The following BLK variants were observed in gnomAD, a reference collection of about 807,000 sequenced individuals.
BLK encodes the protein BLK proto-oncogene, Src family tyrosine kinase.
A neutral mutation model predicts 61.8 loss-of-function variants in BLK; 64 were observed. That is an observed-to-expected ratio of 1.03 (90% CI 0.85 to 1.27). The LOEUF (loss-of-function observed/expected upper bound fraction) is 1.27. Among genes scored for constraint, BLK ranks in the 50% most tolerant of loss-of-function variants. The pLI is 0.00. For missense variants in BLK, 853 were observed against 660.5 expected (o/e 1.29, Z -3.19); for synonymous variants, 351 against 272.0 (o/e 1.29, Z -2.86).
chr8:11,556,637 T>C, intron 8 of BLK, 21 bp from the exon 9 acceptor site: 2 of 1,614,086 alleles, frequency 1.2e-6, no homozygotes, highest in Non-Finnish European at 1.7e-6. Context: ...CTGATTGGCT[T>C]CTTCACTCCC....
chr8:11,562,595 C>G (rs35401006), intron 11 of BLK, among the ~76,000 whole-genome samples: 64,780 of 152,080 alleles, frequency 0.43, 14,789 homozygotes, highest in East Asian at 0.92. Flanking sequence ...CGGAGGCGCC[C>G]GCAGGTTTAA....
chr8:11,548,117 C>T lies in BLK; in HGVS notation c.261C>T (p.Val87=), dbSNP rs1263152728. The T allele has an allele frequency of 1.9e-6, 3 of 1,612,948 alleles. No homozygotes were observed. Among genetic ancestry groups the T allele is most frequent in the Non-Finnish European group, 2.5e-6 (3 of 1,179,838 alleles). ...LQMLKGEKLQ[V]LKGTGDWWLA... ...TGCTGAAGGGGGAGAAGCTACAGGT[C>T]CTGAAGGGGTGAGGTTCCAGGACAC... is the stretch of plus-strand genomic sequence containing the variant. The change falls in exon 4 of 13, where the codon GTC becomes GTT. Residue 87 remains valine (V), a synonymous_variant. Coordinates refer to ENST00000259089, the MANE Select transcript of BLK (RefSeq NM_001715.3).
chr8:11,561,115 G>T, intron 10 of BLK, 187 bp from the exon 11 acceptor site: 1 of 827,268 alleles, frequency 1.2e-6, no homozygotes, highest in Non-Finnish European at 2.0e-6. Context: ...ACGTTGCTGC[G>T]TTGCTGTTCT....
At chr8:11,499,609 G>A (rs1206283665) in intron 1 of BLK, among the ~76,000 whole-genome samples, 2 of 152,174 alleles carry the variant, frequency 1.3e-5, no homozygotes, top group East Asian at 3.9e-4. Flanking sequence ...ATGACGTTAA[G>A]CTGTTCGCAT....
rs745739209 is a variant in BLK at position 11,549,143 on chromosome 8, C to T, written c.368+21C>T. 23 of 1,571,488 alleles carry T rather than the reference C, an allele frequency of 1.5e-5. No individual in the cohort carries two copies. The East Asian group carries it at 3.4e-4, about 24-fold the overall frequency. On this transcript the variant is annotated intron_variant, in intron 5 of 12. Coordinates refer to ENST00000259089, the MANE Select transcript of BLK (RefSeq NM_001715.3). ...GAAAGGTAGGTGGGCACGGGAACCC[C>T]CCTCGAGCCAAGATGCAGTCACTGT... is the stretch of plus-strand genomic sequence containing the variant.
intron 10 of BLK, among the ~76,000 whole-genome samples, chr8:11,559,499 ACT>A (rs1801387221): frequency 8.0e-6 from 1 of 124,234 alleles, no homozygotes; most frequent in Non-Finnish European, 1.9e-5. Flanking sequence ...ATTTACACAA[ACT>A]CACAAACTCA....
Position 11,556,652 on chromosome 8 carries a change from G to A in BLK, c.773-6G>A. 1 of 1,614,092 alleles carries A rather than the reference G, an allele frequency of 6.2e-7. No individual in the cohort carries two copies. On this transcript the variant is annotated splice_polypyrimidine_tract_variant and splice_region_variant and intron_variant, in intron 8 of 12. Coordinates refer to ENST00000259089, the MANE Select transcript of BLK (RefSeq NM_001715.3). ...CTGATTGGCTTCTTCACTCCCCCGGGCTCAGGTTACTACAAAAACAACATG... is the reference window on the plus strand; with the variant it reads ...CTGATTGGCTTCTTCACTCCCCCGGACTCAGGTTACTACAAAAACAACATG...
intron 7 of BLK, 24 bp from the exon 8 acceptor site, chr8:11,555,308 C>T (rs369356288): frequency 1.2e-6 from 2 of 1,613,824 alleles, no homozygotes; most frequent in Non-Finnish European, 1.7e-6. Context: ...AACCCCCAGC[C>T]CTGTCTTTTC....
chr8:11,511,792 G>A (rs1051181579), intron 1 of BLK, among the ~76,000 whole-genome samples: 1 of 152,134 alleles, frequency 6.6e-6, no homozygotes, highest in Admixed American at 6.5e-5. Flanking sequence ...AGATCAATGT[G>A]CCCTCTTGAC....
chr8:11,519,606 AC>A (rs1420795019), intron 1 of BLK, among the ~76,000 whole-genome samples: 1 of 152,210 alleles, frequency 6.6e-6, no homozygotes, highest in African/African-American at 2.4e-5. Context: ...TATTTAGAGG[AC>A]TTGTGCCAGT....
Position 11,531,142 on chromosome 8 carries a change from C to T in BLK, c.-1-12082C>T, listed in dbSNP as rs576187315. On this transcript the variant is annotated intron_variant, in intron 1 of 12. Transcript: ENST00000259089. ...GGTTTGTGTGCTGCTCAGCTGTCTT[C>T]TCTGTTCAACTGTTTGTTAAATTGA... Among the ~76,000 whole-genome samples the T allele has an allele frequency of 2.3e-3, 343 of 152,238 alleles. 1 individual carries two copies. The highest frequency in any genetic ancestry group is 7.9e-3 in the African/African-American group (328 of 41,542).
intron 1 of BLK, among the ~76,000 whole-genome samples, chr8:11,517,961 G>A (rs1338633303): frequency 6.6e-6 from 1 of 152,206 alleles, no homozygotes; most frequent in Non-Finnish European, 1.5e-5. Context: ...GAGGGAAGGG[G>A]GCTTCTAGAG....
At chr8:11,516,637 T>C (rs1189885907) in intron 1 of BLK, among the ~76,000 whole-genome samples, 9 of 152,208 alleles carry the variant, frequency 5.9e-5, no homozygotes, top group African/African-American at 1.9e-4. Context: ...TCTGTGTCGA[T>C]GAATTGGGCT....
rs577905338 is a variant in BLK at position 11,563,051 on chromosome 8, T to G, written c.1253T>G (p.Val418Gly). ...GGGGTCTTCACCATCAAAGCAGACG[T>G]GTGGTCGTTTGGAGTCCTCCTGATG... ...HFGVFTIKADVWSFGVLLMEV... is the reference protein window; with the variant it reads ...HFGVFTIKADGWSFGVLLMEV... The change falls in exon 12 of 13, where the codon GTG becomes GGG. Residue 418 changes from valine (V) to glycine (G), a missense_variant. By Grantham distance (109) the Val-to-Gly change is moderately radical (BLOSUM62 -3). Coordinates refer to ENST00000259089, the MANE Select transcript of BLK (RefSeq NM_001715.3). 1.5e-5 allele frequency: 24 copies of G among 1,613,990 alleles called. No individual in the cohort carries two copies. The highest frequency in any genetic ancestry group is 5.0e-5 in the Admixed American group (3 of 60,012).
intron 11 of BLK, among the ~76,000 whole-genome samples, chr8:11,562,005 G>T (rs1312884712): frequency 2.6e-5 from 4 of 152,172 alleles, no homozygotes; most frequent in Non-Finnish European, 5.9e-5. Context: ...GTTTAGTAGA[G>T]ATGGGGTTTC....
At chr8:11,560,984 C>T (rs932920184) in intron 10 of BLK, 1 of 547,068 alleles carries the variant, frequency 1.8e-6, no homozygotes, top group African/African-American at 1.9e-5. Flanking sequence ...TTCTCCCTCC[C>T]TCTCCTTTTC....
chr8:11,498,223 G>C (rs1798427142), intron 1 of BLK, among the ~76,000 whole-genome samples: 1 of 152,188 alleles, frequency 6.6e-6, no homozygotes, highest in African/African-American at 2.4e-5. Flanking sequence ...CCATGCTCAG[G>C]TCGTTCAAGT....
intron 2 of BLK, among the ~76,000 whole-genome samples, chr8:11,545,244 C>T (rs536837196): frequency 3.3e-5 from 5 of 152,208 alleles, no homozygotes; most frequent in South Asian, 4.2e-4. Context: ...GTTAGTTCCA[C>T]GTTTTAAAAT....
chr8:11,548,705 C>T (rs1451643197), intron 4 of BLK, among the ~76,000 whole-genome samples: 2 of 152,208 alleles, frequency 1.3e-5, no homozygotes, highest in African/African-American at 2.4e-5. Flanking sequence ...CCACGCCAAC[C>T]GTGTTTTTCT....
Sources: gnomAD v4.1 joint callset for allele counts (sites outside exome capture counted in the v4.1 genomes callset) on GRCh38, gnomAD v4.1.1 for gene constraint, MANE v1.5 for transcripts, NCBI Gene and HGNC (gene_info 2026-07-23, HGNC 2026-07-21) for gene names.